The following EYS variants were observed in gnomAD, a reference collection of about 807,000 sequenced individuals.
The protein encoded by EYS is EGF-like photoreceptor maintenance factor.
EYS carries 250 observed loss-of-function variants against 282.1 expected under a neutral mutation model. That is an observed-to-expected ratio of 0.89 (90% confidence interval 0.80 to 0.98). The LOEUF (loss-of-function observed/expected upper bound fraction) is 0.98, where lower values mean the gene tolerates loss of function less well. Ranked by LOEUF, EYS falls within the 50% of genes least tolerant of loss-of-function variation. EYS has a pLI of 0.00. For synonymous variants in EYS, 1,355 were observed against 1,282.9 expected (o/e 1.06, Z -1.20); for missense variants, 4,016 against 3,709.0 (o/e 1.08, Z -2.15).
intron 29 of EYS, among the ~76,000 whole-genome samples, chr6:64,361,757 T>C (rs967880816): frequency 6.6e-6 from 1 of 151,692 alleles, no homozygotes; most frequent in African/African-American, 2.4e-5. Context: ...CACATATAAT[T>C]GCACTCATCA....
At chr6:64,555,208 T>C (rs780721668) in intron 26 of EYS, among the ~76,000 whole-genome samples, 3 of 151,928 alleles carry the variant, frequency 2.0e-5, no homozygotes, top group Non-Finnish European at 2.9e-5. Flanking sequence ...AGGGAAATCC[T>C]ATTATTTCCT....
intron 30 of EYS, among the ~76,000 whole-genome samples, chr6:64,237,801 C>T (rs1325990438): frequency 3.9e-5 from 6 of 151,908 alleles, no homozygotes; most frequent in African/African-American, 1.2e-4. Context: ...CAAAGCAATA[C>T]AGAAAAATGT....
chr6:63,947,776 T>C lies in EYS; in HGVS notation c.7055+36607A>G, dbSNP rs567288677. ...AAAAATGCCCCCTGACAGAAAGCAA[T>C]CATTGGTTATGCCTTATGTTGAGCT... On this transcript the variant is annotated intron_variant, in intron 35 of 42. Coordinates refer to ENST00000503581, the MANE Select transcript of EYS (RefSeq NM_001142800.2). 2.6e-5 allele frequency among the ~76,000 whole-genome samples: 4 copies of C among 152,286 alleles called. No homozygotes were observed. In the South Asian group the frequency reaches 8.3e-4, roughly 32 times the overall value.
chr6:65,359,913 T>C (rs1019097210), intron 8 of EYS, among the ~76,000 whole-genome samples: 9 of 152,096 alleles, frequency 5.9e-5, no homozygotes, highest in South Asian at 4.1e-4. Context: ...ATAAAAATTA[T>C]AGAATTTTTT....
Position 64,591,797 on chromosome 6 carries a change from T to A in EYS, c.4070A>T (p.Asp1357Val). The A allele has an allele frequency of 6.4e-7, 1 of 1,551,278 alleles. No individual in the cohort carries two copies. Among genetic ancestry groups the A allele is most frequent in the Non-Finnish European group, 8.7e-7 (1 of 1,146,714 alleles). Residue 1357 changes from aspartate to valine, a missense_variant, in exon 26 of 43, where the codon GAC becomes GTC. Coordinates refer to ENST00000503581, the MANE Select transcript of EYS (RefSeq NM_001142800.2). ...TTTGTCCTGGACAATTTGTGCTGGG[T>A]CACGAATACCAAAATTCAGGAATCG... ...SSRFLNFGIR[D>V]PAQIVQDKTS...
At chr6:65,507,990 T>C (rs768199190) in intron 2 of EYS, among the ~76,000 whole-genome samples, 4 of 152,202 alleles carry the variant, frequency 2.6e-5, no homozygotes, top group Non-Finnish European at 4.4e-5. Context: ...AGGTATGCCT[T>C]GCAAATTTTT....
At chr6:65,624,988 T>C (rs1032361036) in intron 2 of EYS, among the ~76,000 whole-genome samples, 1 of 152,128 alleles carries the variant, frequency 6.6e-6, no homozygotes, top group South Asian at 2.1e-4. Flanking sequence ...ATCCTATTAA[T>C]GTTGTTCCTC....
At chr6:63,738,978 T>A (rs1421887672) in intron 41 of EYS, among the ~76,000 whole-genome samples, 2 of 152,184 alleles carry the variant, frequency 1.3e-5, no homozygotes, top group Admixed American at 6.5e-5. Flanking sequence ...TTACGTTTAT[T>A]AGCTGGAATT....
At chr6:65,060,257 T>C (rs1371652202) in intron 12 of EYS, among the ~76,000 whole-genome samples, 1 of 151,786 alleles carries the variant, frequency 6.6e-6, no homozygotes, top group African/African-American at 2.4e-5. Context: ...ATTTGACACT[T>C]TAAATTCATG....
chr6:65,064,158 CAT>C lies in EYS; in HGVS notation c.2024-6433_2024-6432del, dbSNP rs1583449136. Among the ~76,000 whole-genome samples the C allele has an allele frequency of 2.8e-5, 4 of 140,664 alleles. No individual in the cohort carries two copies. The East Asian group carries it at 6.1e-4, about 21-fold the overall frequency. 92.3% of individuals were successfully genotyped at this position (140,664 alleles called of 152,430 possible). A position where few individuals can be genotyped will look rare whatever the true frequency, so the allele number is the denominator to read the frequency against. On this transcript the variant is annotated intron_variant, in intron 12 of 42. Transcript: ENST00000503581. ...TATTATAAGTATATAGTATATATAA[CAT>C]ATATAATATATATAATATATAGTAT...
At chr6:64,905,942 A>T (rs1349678908) in intron 16 of EYS, among the ~76,000 whole-genome samples, 4 of 151,898 alleles carry the variant, frequency 2.6e-5, no homozygotes, top group Non-Finnish European at 5.9e-5. Flanking sequence ...TTAAATAAAA[A>T]CTCAAACACT....
At chr6:64,977,683 A>C (rs1018372505) in intron 14 of EYS, among the ~76,000 whole-genome samples, 4 of 151,770 alleles carry the variant, frequency 2.6e-5, no homozygotes, top group Non-Finnish European at 5.9e-5. Context: ...AAAAAAAAAA[A>C]ACTTGAAGAA....
chr6:64,783,820 A>T (rs1455215713), intron 22 of EYS, among the ~76,000 whole-genome samples: 3 of 152,172 alleles, frequency 2.0e-5, no homozygotes, highest in Non-Finnish European at 2.9e-5. Flanking sequence ...AAAGTATTAA[A>T]TATTCCAAAA....
chr6:64,266,633 G>A (rs1767768418), intron 30 of EYS, among the ~76,000 whole-genome samples: 1 of 152,118 alleles, frequency 6.6e-6, no homozygotes, highest in South Asian at 2.1e-4. Context: ...CAATGTCACA[G>A]TGACACTTCA....
rs749876528 is a variant in EYS at position 65,494,986 on chromosome 6, CTCAGCCACTTAGAAT to C, written c.410_424del (p.Asn137_Leu141del). 1.9e-5 allele frequency: 31 copies of C among 1,614,114 alleles called. No homozygotes were observed. The Admixed American group carries it at 2.8e-4, about 15-fold the overall frequency. On this transcript the variant is annotated inframe_deletion, in exon 4 of 43. Transcript: ENST00000503581. The stretch of plus-strand genomic sequence containing the variant: ...TGTGATAAAATAATGTGTCCCAACA[CTCAGCCACTTAGAAT>C]TAACAGTGTGCATTCCTTTTAGTCT...
At chr6:64,712,016 G>A (rs1055781859) in intron 22 of EYS, among the ~76,000 whole-genome samples, 3 of 152,156 alleles carry the variant, frequency 2.0e-5, no homozygotes, top group Admixed American at 6.5e-5. Flanking sequence ...AAAGTGCACC[G>A]AACCCAGAGG....
intron 28 of EYS, among the ~76,000 whole-genome samples, chr6:64,403,452 G>T (rs1305274828): frequency 6.6e-6 from 1 of 152,054 alleles, no homozygotes; most frequent in Non-Finnish European, 1.5e-5. Context: ...CGCCTCCTGG[G>T]TTCAAGCAAT....
chr6:64,701,774 C>T (rs558040743), intron 22 of EYS, among the ~76,000 whole-genome samples: 2 of 151,816 alleles, frequency 1.3e-5, no homozygotes, highest in South Asian at 4.2e-4. Context: ...CAGTAAAAGC[C>T]CAGACTTCAC....
chr6:64,938,729 T>A lies in EYS; in HGVS notation c.2381+7064A>T, dbSNP rs1354203297. Among the ~76,000 whole-genome samples, 10 of 151,714 alleles carry A rather than the reference T, an allele frequency of 6.6e-5. No homozygotes were observed. In the East Asian group the frequency reaches 1.9e-3, roughly 29 times the overall value. ...GGTTCTGAGCATGTTTAAGGGAGGC[T>A]AGGATAAGCTATGATATTCAGTAAG... On this transcript the variant is annotated intron_variant, in intron 15 of 42. Transcript: ENST00000503581.
Sources: gnomAD v4.1 joint callset for allele counts (sites outside exome capture counted in the v4.1 genomes callset) on GRCh38, gnomAD v4.1.1 for gene constraint, MANE v1.5 for transcripts, NCBI Gene and HGNC (gene_info 2026-07-23, HGNC 2026-07-21) for gene names.